Variants in GPC5 observed in about 807,000 individuals in gnomAD.
GPC5 encodes the protein glypican 5.
GPC5 carries 47 observed loss-of-function variants against 53.9 expected under a neutral mutation model. The observed-to-expected ratio is 0.87, with a 90% CI of 0.69 to 1.11. The LOEUF (loss-of-function observed/expected upper bound fraction) is 1.11, where lower values mean the gene tolerates loss of function less well. Among genes scored for constraint, GPC5 ranks in the 50% most tolerant of loss-of-function variants. The pLI, the probability that GPC5 is intolerant of heterozygous loss-of-function variation, is 0.00. For missense variants in GPC5, 748 were observed against 713.1 expected (o/e 1.05, Z -0.56); for synonymous variants, 286 against 263.3 (o/e 1.09, Z -0.84).
chr13:92,240,338 A>T (rs1177374463), intron 7 of GPC5: 4 of 151,980 alleles, frequency 2.6e-5, no homozygotes, highest in Non-Finnish European at 5.9e-5. Context: ...AGCAATTCTT[A>T]GCATCTAATT....
intron 2 of GPC5, among the ~76,000 whole-genome samples, chr13:91,587,592 T>C (rs1041389141): frequency 2.6e-5 from 4 of 152,172 alleles, no homozygotes; most frequent in African/African-American, 9.7e-5. Flanking sequence ...TCCTTATCTT[T>C]CTCTTTTATG....
chr13:92,670,831 C>T (rs1886722711), intron 7 of GPC5, among the ~76,000 whole-genome samples: 1 of 152,092 alleles, frequency 6.6e-6, no homozygotes, highest in Non-Finnish European at 1.5e-5. Flanking sequence ...TTCTTAAGGC[C>T]ACATACATAA....
intron 7 of GPC5, among the ~76,000 whole-genome samples, chr13:92,768,266 G>A (rs561377111): frequency 1.3e-5 from 2 of 152,174 alleles, no homozygotes; most frequent in African/African-American, 4.8e-5. Flanking sequence ...TTGATATCTT[G>A]TAGATTTTAA....
At chr13:91,478,795 T>TTATATATATATTA (rs1883092626) in intron 2 of GPC5, among the ~76,000 whole-genome samples, 1 of 55,394 alleles carries the variant, frequency 1.8e-5, no homozygotes, top group African/African-American at 7.0e-5. Context: ...CCATTTGAGT[T>TTATATATATATTA]TATATATATA....
intron 7 of GPC5, among the ~76,000 whole-genome samples, chr13:92,418,663 T>C (rs1876426704): frequency 6.6e-6 from 1 of 152,204 alleles, no homozygotes; most frequent in Non-Finnish European, 1.5e-5. Context: ...GGCATAGTGT[T>C]AAAGTTTAGA....
chr13:92,603,454 C>G (rs560663153), intron 7 of GPC5, among the ~76,000 whole-genome samples: 2 of 152,022 alleles, frequency 1.3e-5, no homozygotes, highest in Non-Finnish European at 2.9e-5. Context: ...TTTACTAAAC[C>G]TAGATTGTAT....
At chr13:92,419,177 G>A (rs1050728777) in intron 7 of GPC5, among the ~76,000 whole-genome samples, 1 of 152,164 alleles carries the variant, frequency 6.6e-6, no homozygotes, top group Non-Finnish European at 1.5e-5. Flanking sequence ...GGTCATCAAA[G>A]GGACCATCAC....
chr13:91,588,511 A>AT (rs1190698238), intron 2 of GPC5, among the ~76,000 whole-genome samples: 1 of 152,094 alleles, frequency 6.6e-6, no homozygotes, highest in Non-Finnish European at 1.5e-5. Flanking sequence ...ATCCTAAACA[A>AT]TTTTTCCCCC....
At position 92,615,693 on chromosome 13, in the gene GPC5, A is replaced by G. The variant is rs115619156; in HGVS notation, c.1562-250589A>G. ...ATATGCCAATTAATATTTCAGTTTA[A>G]GTCTCCAAGAAGGGGTATAAAGGCT... On this transcript the variant is annotated intron_variant, in intron 7 of 7. Transcript: ENST00000377067. 9.7e-3 allele frequency among the ~76,000 whole-genome samples: 1,478 copies of G among 152,220 alleles called. 24 individuals are homozygous for G. The highest frequency in any genetic ancestry group is 0.034 in the African/African-American group (1,396 of 41,528).
At chr13:91,842,585 C>T (rs1440912365) in intron 5 of GPC5, among the ~76,000 whole-genome samples, 2 of 149,692 alleles carry the variant, frequency 1.3e-5, no homozygotes, top group African/African-American at 4.9e-5. Context: ...GCCTGTAGTC[C>T]CAGCTACTTG....
chr13:92,859,042 C>G (rs7986172), intron 7 of GPC5, among the ~76,000 whole-genome samples: 17,252 of 152,044 alleles, frequency 0.11, 1,850 homozygotes, highest in African/African-American at 0.28. Flanking sequence ...TAGTTCAAGA[C>G]CAGCCTGGAC....
At chr13:92,682,340 A>G (rs1163450457) in intron 7 of GPC5, among the ~76,000 whole-genome samples, 1 of 152,178 alleles carries the variant, frequency 6.6e-6, no homozygotes, top group African/African-American at 2.4e-5. Flanking sequence ...GTATGTGTTT[A>G]TGACTTTATA....
At chr13:92,578,604 C>T (rs568848491) in intron 7 of GPC5, among the ~76,000 whole-genome samples, 6 of 152,252 alleles carry the variant, frequency 3.9e-5, no homozygotes, top group Non-Finnish European at 7.4e-5. Flanking sequence ...AAGCTCCCAA[C>T]TCCAGAAGAG....
chr13:92,543,423 G>C (rs1377707459), intron 7 of GPC5, among the ~76,000 whole-genome samples: 1 of 112,580 alleles, frequency 8.9e-6, no homozygotes, highest in Non-Finnish European at 1.9e-5. Context: ...TATTTATTTT[G>C]ATGTTTTTTT....
At chr13:92,145,049 A>G in intron 7 of GPC5, 60 bp downstream of exon 7, 1 of 1,234,782 alleles carries the variant, frequency 8.1e-7, no homozygotes, top group Non-Finnish European at 1.1e-6. Flanking sequence ...ATAATTAAAG[A>G]TATTGTTATG....
At chr13:92,120,982 A>T (rs2041644326) in intron 6 of GPC5, among the ~76,000 whole-genome samples, 1 of 152,228 alleles carries the variant, frequency 6.6e-6, no homozygotes, top group Non-Finnish European at 1.5e-5. Context: ...AAAGTTTCTG[A>T]AAAGACCACT....
At chr13:91,607,918 C>T (rs1374616817) in intron 2 of GPC5, among the ~76,000 whole-genome samples, 2 of 152,154 alleles carry the variant, frequency 1.3e-5, no homozygotes, top group Non-Finnish European at 2.9e-5. Context: ...AGAATTTTTT[C>T]CCCGATTTTC....
At chr13:92,206,321 C>A (rs536418921) in intron 7 of GPC5, among the ~76,000 whole-genome samples, 3 of 151,012 alleles carry the variant, frequency 2.0e-5, no homozygotes, top group East Asian at 2.0e-4. Flanking sequence ...CCTGCCACCA[C>A]GCCCGGCTAA....
intron 7 of GPC5, among the ~76,000 whole-genome samples, chr13:92,550,200 A>G (rs910863771): frequency 6.6e-6 from 1 of 151,824 alleles, no homozygotes; most frequent in Non-Finnish European, 1.5e-5. Flanking sequence ...TAATAGAACT[A>G]TTATTTTAAA....
Sources: allele counts gnomAD v4.1 joint callset (sites outside exome capture counted in the v4.1 genomes callset), GRCh38; gene constraint gnomAD v4.1.1; transcripts MANE v1.5; gene names NCBI Gene and HGNC (gene_info 2026-07-23, HGNC 2026-07-21).